The following AGO2 variants were observed in gnomAD, a reference collection of about 807,000 sequenced individuals.
AGO2 encodes protein argonaute-2.
A neutral mutation model predicts 102.3 loss-of-function variants in AGO2; 5 were observed. That is an observed-to-expected ratio of 0.05 (90% CI 0.03 to 0.10). The LOEUF (loss-of-function observed/expected upper bound fraction) is 0.10, where lower values mean the gene tolerates loss of function less well. Among genes scored for constraint, AGO2 ranks in the 10% least tolerant of loss-of-function variants. The pLI is 1.00. For missense variants in AGO2, 541 were observed against 1,183.7 expected (o/e 0.46, Z 7.97); for synonymous variants, 449 against 473.1 (o/e 0.95, Z 0.66).
chr8:140,597,468 CCCCCCA>C (rs201092254), intron 1 of AGO2, among the ~76,000 whole-genome samples: 1,647 of 28,440 alleles, frequency 0.058, 132 homozygotes, highest in South Asian at 0.17. Context: ...GCTGGGTGGC[CCCCCCA>C]CCCCCCCCCC....
intron 1 of AGO2, among the ~76,000 whole-genome samples, chr8:140,629,048 G>A (rs964661224): frequency 3.9e-5 from 6 of 152,122 alleles, no homozygotes; most frequent in East Asian, 3.8e-4. Flanking sequence ...TCGACATTGC[G>A]CCACTGCCCT....
At chr8:140,553,643 A>C (rs1266692670) in intron 10 of AGO2, among the ~76,000 whole-genome samples, 1 of 151,914 alleles carries the variant, frequency 6.6e-6, no homozygotes, top group Non-Finnish European at 1.5e-5. Flanking sequence ...TCCTGACCTC[A>C]GGTGATCTGC....
chr8:140,535,593 T>TA lies in AGO2; in HGVS notation c.2170-25dup, dbSNP rs767424434. 4 of 1,612,214 alleles carry TA rather than the reference T, an allele frequency of 2.5e-6. No individual in the cohort carries two copies. In the African/African-American group the frequency reaches 5.3e-5, roughly 22 times the overall value. ...ACCTTCGGCAACACAGGCATCTCGT[T>TA]AGACACGGCCAGGGACCGGCAGAGC... On this transcript the variant is annotated intron_variant, in intron 16 of 18. Coordinates refer to ENST00000220592, the MANE Select transcript of AGO2 (RefSeq NM_012154.5).
chr8:140,568,612 C>T (rs542131728), intron 3 of AGO2, among the ~76,000 whole-genome samples: 7 of 152,300 alleles, frequency 4.6e-5, no homozygotes, highest in African/African-American at 1.7e-4. Flanking sequence ...CAGGAGGGGC[C>T]GTGCAGTTCA....
Position 140,589,062 on chromosome 8 carries a change from A to C in AGO2, c.23-3751T>G, listed in dbSNP as rs1032875416. Among the ~76,000 whole-genome samples the C allele has an allele frequency of 6.6e-6, 1 of 152,260 alleles. No individual in the cohort carries two copies. Among genetic ancestry groups the C allele is most frequent in the Admixed American group, 6.5e-5 (1 of 15,288 alleles). The stretch of plus-strand genomic sequence containing the variant: ...GCGGACGTCAGCAGAGGTGGGCGGC[A>C]GGCGAGCCTCCTGCAGGAGCAGGCG... On this transcript the variant is annotated intron_variant, in intron 1 of 18. Coordinates refer to ENST00000220592, the MANE Select transcript of AGO2 (RefSeq NM_012154.5). This position sits in a 1 kb window ranked among gnomAD's most constrained non-coding sequence, Gnocchi z 4.2.
At chr8:140,572,682 G>T in intron 3 of AGO2, 130 bp downstream of exon 3, 1 of 1,290,040 alleles carries the variant, frequency 7.8e-7, no homozygotes, top group Non-Finnish European at 1.0e-6. Flanking sequence ...CGAAGCATGT[G>T]GCAGTGAACT....
rs549310109 is a variant in AGO2 at position 140,593,890 on chromosome 8, A to G, written c.23-8579T>C. ...CACCAAGCCACGCTGCCTTGAATCG[A>G]TAACAACTATGCTTAAATCAAACAA... On this transcript the variant is annotated intron_variant, in intron 1 of 18. Transcript: ENST00000220592. Among the ~76,000 whole-genome samples, 4 of 152,302 alleles carry G rather than the reference A, an allele frequency of 2.6e-5. No homozygotes were observed. The East Asian group carries it at 5.8e-4, about 22-fold the overall frequency.
chr8:140,612,019 C>G (rs1203307374), intron 1 of AGO2, among the ~76,000 whole-genome samples: 1 of 151,280 alleles, frequency 6.6e-6, no homozygotes, highest in African/African-American at 2.4e-5. Flanking sequence ...GTCAGGAGAT[C>G]GAGACCATCC....
At chr8:140,532,702 A>C in intron 17 of AGO2, 87 bp from the exon 18 acceptor site, 1 of 1,384,174 alleles carries the variant, frequency 7.2e-7, no homozygotes, top group Non-Finnish European at 9.9e-7. Flanking sequence ...TGTATTATTA[A>C]AAATGCATCA....
the AGO2 span, among the ~76,000 whole-genome samples, chr8:140,641,328 ACACACAC>A: frequency 1.1e-4 from 17 of 150,870 alleles, no homozygotes; most frequent in Admixed American, 8.6e-4. Flanking sequence ...ACACACACAC[ACACACAC>A]AAAACAGCAA....
In AGO2 at chr8:140,539,430, T is replaced by G. The variant is rs199839068; in HGVS notation, c.2059A>C (p.Ile687Leu). ...TCTAGCTTGATACAGGCCTCACGGA[T>G]GGCCAGCAACTCGTGGTGGAGAACC... ...QQVLHHELLAIREACIKLEKD... is the reference protein window; with the variant it reads ...QQVLHHELLALREACIKLEKD... The change falls in exon 16 of 19, where the codon ATC (isoleucine) becomes CTC (leucine). Residue 687 changes from isoleucine (I) to leucine (L), a missense_variant. This residue lies in a region of AGO2 where 309 missense variants were observed against 735.1 expected (regional missense o/e 0.42). Coordinates refer to ENST00000220592, the MANE Select transcript of AGO2 (RefSeq NM_012154.5). The surrounding 1 kb of genome is among the most constrained non-coding windows in gnomAD (Gnocchi z 4.7). 2 of 1,613,770 alleles carry G rather than the reference T, an allele frequency of 1.2e-6. No individual in the cohort carries two copies. Among genetic ancestry groups the G allele is most frequent in the Non-Finnish European group, 1.7e-6 (2 of 1,179,804 alleles).
intron 1 of AGO2, among the ~76,000 whole-genome samples, chr8:140,613,309 A>C (rs1343326973): frequency 6.6e-6 from 1 of 152,240 alleles, no homozygotes; most frequent in Non-Finnish European, 1.5e-5. Flanking sequence ...GATTTAGGAA[A>C]AATGTAAAAC....
chr8:140,556,766 A>G (rs1564084641), intron 8 of AGO2, among the ~76,000 whole-genome samples: 1 of 152,174 alleles, frequency 6.6e-6, no homozygotes, highest in Non-Finnish European at 1.5e-5. Context: ...GATTTTTCAA[A>G]GAGTCGTGAT....
intron 2 of AGO2, among the ~76,000 whole-genome samples, chr8:140,574,404 C>T (rs553230930): frequency 1.3e-5 from 2 of 152,212 alleles, no homozygotes; most frequent in South Asian, 2.1e-4. Context: ...CGGAACTACA[C>T]GCCCAGGCCA....
rs60864235 is a variant in AGO2 at position 140,601,525 on chromosome 8, A to T, written c.23-16214T>A. 5.5e-3 allele frequency among the ~76,000 whole-genome samples: 844 copies of T among 152,336 alleles called. 9 individuals carry two copies. Among genetic ancestry groups the T allele is most frequent in the African/African-American group, 0.019 (801 of 41,586 alleles). ...TGCCTGGCAAGTGCTAGGCTGATGG[A>T]TGTGAACCATATGGTGAATGGTCTC... On this transcript the variant is annotated intron_variant, in intron 1 of 18. Transcript: ENST00000220592.
chr8:140,565,569 A>G (rs1349022418), intron 3 of AGO2, among the ~76,000 whole-genome samples: 1 of 151,336 alleles, frequency 6.6e-6, no homozygotes, highest in Non-Finnish European at 1.5e-5. Context: ...TGAACCCAGG[A>G]GGTGAAGGTT....
intron 1 of AGO2, among the ~76,000 whole-genome samples, chr8:140,602,724 A>G (rs905082348): frequency 6.6e-6 from 1 of 152,224 alleles, no homozygotes; most frequent in Non-Finnish European, 1.5e-5. Flanking sequence ...AATTTCTCCA[A>G]TTTGTCCAAC....
In AGO2 at chr8:140,567,300, C is replaced by T. The variant is rs1025844466; in HGVS notation, c.337-4666G>A. Among the ~76,000 whole-genome samples, 1 of 152,264 alleles carries T rather than the reference C, an allele frequency of 6.6e-6. No homozygotes were observed. The highest frequency in any genetic ancestry group is 2.4e-5 in the African/African-American group (1 of 41,474). On this transcript the variant is annotated intron_variant, in intron 3 of 18. Transcript: ENST00000220592. This position sits in a 1 kb window ranked among gnomAD's most constrained non-coding sequence, Gnocchi z 5.0. ...TTAGGGCTGCATGGAGATTTTACGA[C>T]GGCCATCACGCCACGAGGGCAGGAG...
intron 14 of AGO2, among the ~76,000 whole-genome samples, chr8:140,543,703 G>A (rs963861182): frequency 4.6e-5 from 7 of 152,244 alleles, no homozygotes; most frequent in South Asian, 2.1e-4. Context: ...GCCAGGCACC[G>A]TGCCAGGGGC....
Sources: gnomAD v4.1 joint callset for allele counts (sites outside exome capture counted in the v4.1 genomes callset) on GRCh38, gnomAD v4.1.1 for gene constraint, gnomAD v4.1.1 regional missense constraint, Gnocchi (gnomAD v3.1) non-coding constraint, MANE v1.5 for transcripts, NCBI Gene and HGNC (gene_info 2026-07-23, HGNC 2026-07-21) for gene names.